Variants in ABCA13 observed in about 807,000 individuals in gnomAD.
The protein encoded by ABCA13 is ATP binding cassette subfamily A member 13.
ABCA13 carries 476 observed loss-of-function variants against 478.7 expected under a neutral mutation model. That is an observed-to-expected ratio of 0.99 (90% CI 0.92 to 1.07). The LOEUF is 1.07. ABCA13 is among the 50% of genes least tolerant of loss of function. The probability of loss-of-function intolerance (pLI) is 0.00; values close to 1 mark genes in which losing one functional copy is unlikely to be tolerated. For missense variants in ABCA13, 6,060 were observed against 5,910.6 expected, an observed-to-expected ratio of 1.03 and a Z score of -0.83; for synonymous variants, 2,252 against 2,158.9, an observed-to-expected ratio of 1.04 and a Z score of -1.20.
rs897627848 is a variant in ABCA13, at chr7:48,344,285, C to A, written c.10204+5830C>A. The stretch of plus-strand genomic sequence containing the variant: ...CTACACTGCATGGAACAGCCCTCCA[C>A]AGCAAGGAATTATGTGCCCAAAGTG... On this transcript the variant is annotated intron_variant, in intron 29 of 61. Transcript: ENST00000435803. Among the ~76,000 whole-genome samples the A allele has an allele frequency of 3.9e-5, 6 of 152,200 alleles. No individual in the cohort carries two copies. In the East Asian group the frequency reaches 1.2e-3, roughly 29 times the overall value.
intron 41 of ABCA13, among the ~76,000 whole-genome samples, chr7:48,413,780 A>G (rs1008062174): frequency 2.6e-5 from 4 of 152,240 alleles, no homozygotes; most frequent in Non-Finnish European, 5.9e-5. Flanking sequence ...ATTGTGAAAC[A>G]TAAAAAATAT....
At chr7:48,419,779 A>G (rs1320258723) in intron 41 of ABCA13, among the ~76,000 whole-genome samples, 2 of 152,192 alleles carry the variant, frequency 1.3e-5, no homozygotes, top group Non-Finnish European at 2.9e-5. Flanking sequence ...GATTTTACGT[A>G]TCTCTCTTTT....
At chr7:48,232,016 A>C (rs139649561) in intron 7 of ABCA13, among the ~76,000 whole-genome samples, 1 of 152,256 alleles carries the variant, frequency 6.6e-6, no homozygotes, top group African/African-American at 2.4e-5. Flanking sequence ...AATCCCATTC[A>C]GAATTTTGCT....
At position 48,335,638 on chromosome 7, in the gene ABCA13, C is replaced by T. The variant is rs1381173190; in HGVS notation, c.10113+103C>T. 1.4e-5 allele frequency: 11 copies of T among 759,182 alleles called. No individual in the cohort carries two copies. The Admixed American group carries it at 1.5e-4, about 10-fold the overall frequency. 47.0% of individuals were successfully genotyped at this position (759,182 alleles called of 1,614,324 possible). The stretch of plus-strand genomic sequence containing the variant: ...GAAGATTCTACAGAGTCACATCAGG[C>T]ATAGTGGTTCTAGTTGACTCATATA... On this transcript the variant is annotated intron_variant, in intron 28 of 61. Transcript: ENST00000435803.
chr7:48,576,610 C>A (rs1443592256), intron 55 of ABCA13, among the ~76,000 whole-genome samples: 2 of 152,122 alleles, frequency 1.3e-5, no homozygotes, highest in Non-Finnish European at 2.9e-5. Context: ...ATATAGAACT[C>A]TTCCCCTCAA....
intron 55 of ABCA13, among the ~76,000 whole-genome samples, chr7:48,567,290 A>G (rs1251367540): frequency 1.3e-5 from 2 of 152,174 alleles, no homozygotes; most frequent in African/African-American, 2.4e-5. Flanking sequence ...AAGTAGAAAG[A>G]TACTGAGTAG....
chr7:48,510,621 C>A (rs1376339439), intron 50 of ABCA13, among the ~76,000 whole-genome samples: 1 of 152,176 alleles, frequency 6.6e-6, no homozygotes, highest in Non-Finnish European at 1.5e-5. Context: ...AAACTTGATT[C>A]TCTCATTGTC....
intron 58 of ABCA13, among the ~76,000 whole-genome samples, chr7:48,613,587 A>G (rs1046241670): frequency 7.0e-6 from 1 of 143,028 alleles, no homozygotes; most frequent in African/African-American, 2.5e-5. Flanking sequence ...ATATCTTCCC[A>G]TATTCAAATC....
chr7:48,200,984 TAGAAAG>T (rs1345392769), intron 3 of ABCA13, among the ~76,000 whole-genome samples: 1 of 138,680 alleles, frequency 7.2e-6, no homozygotes, highest in Non-Finnish European at 1.6e-5. Flanking sequence ...ACAAAGGAAA[TAGAAAG>T]AGAATAAGAG....
At chr7:48,611,179 A>G (rs900456233) in intron 58 of ABCA13, among the ~76,000 whole-genome samples, 1 of 152,176 alleles carries the variant, frequency 6.6e-6, no homozygotes. Context: ...AAACTGAACT[A>G]TGCTCCAGTT....
At chr7:48,186,011 T>C (rs540081275) in intron 1 of ABCA13, among the ~76,000 whole-genome samples, 9 of 152,010 alleles carry the variant, frequency 5.9e-5, no homozygotes, top group Non-Finnish European at 1.3e-4. Flanking sequence ...GTCTTCTTTG[T>C]TTGATATTAA....
rs139717168 is a variant in ABCA13, at chr7:48,197,208, G to A, written c.164-1029G>A. Among the ~76,000 whole-genome samples, 318 of 152,324 alleles carry A rather than the reference G, an allele frequency of 2.1e-3. 1 individual carries two copies. Among genetic ancestry groups the A allele is most frequent in the African/African-American group, 7.4e-3 (307 of 41,578 alleles). On this transcript the variant is annotated intron_variant, in intron 2 of 61. Transcript: ENST00000435803. ...CTGCTTCCTCGAGCTACATATGAAT[G>A]TGAAAACCGCTGTCAGGGCAGCGCT...
intron 41 of ABCA13, among the ~76,000 whole-genome samples, chr7:48,423,185 T>C (rs1482358083): frequency 1.3e-5 from 2 of 152,230 alleles, no homozygotes; most frequent in Admixed American, 6.5e-5. Context: ...TAGAGAGCAG[T>C]TGCTAGTACC....
At chr7:48,281,552 G>T (rs1797040211) in intron 19 of ABCA13, 100 bp downstream of exon 19, 14 of 1,068,942 alleles carry the variant, frequency 1.3e-5, no homozygotes, top group Non-Finnish European at 1.8e-5. Flanking sequence ...GTTTCTTTTA[G>T]AACAAAGCAC....
chr7:48,368,776 TACACAC>T (rs4024053), intron 32 of ABCA13, among the ~76,000 whole-genome samples: 6 of 143,508 alleles, frequency 4.2e-5, no homozygotes, highest in East Asian at 2.0e-4. Context: ...CATATACATA[TACACAC>T]ACACACACAC....
intron 41 of ABCA13, among the ~76,000 whole-genome samples, chr7:48,415,487 G>A (rs17662118): frequency 0.17 from 25,625 of 151,986 alleles, 2,472 homozygotes; most frequent in East Asian, 0.25. Context: ...AGGGCAGGGA[G>A]GAAGATGCTG....
At chr7:48,397,317 A>G (rs1431746416) in intron 38 of ABCA13, among the ~76,000 whole-genome samples, 2 of 152,146 alleles carry the variant, frequency 1.3e-5, no homozygotes, top group Non-Finnish European at 1.5e-5. Context: ...AAATGCATCA[A>G]TCCTCAGTTT....
At chr7:48,335,138 A>G (rs1584902116) in intron 27 of ABCA13, among the ~76,000 whole-genome samples, 1 of 152,218 alleles carries the variant, frequency 6.6e-6, no homozygotes, top group East Asian at 1.9e-4. Flanking sequence ...TTTGGTCAGT[A>G]TATACTGGGG....
At position 48,274,845 on chromosome 7, in the gene ABCA13, C is replaced by T. The variant is rs370565202; in HGVS notation, c.5179C>T (p.His1727Tyr). The change falls in exon 17 of 62, where the codon CAT (histidine) becomes TAT (tyrosine). Residue 1727 changes from histidine (H) to tyrosine (Y), a missense_variant. Transcript: ENST00000435803. Reference sequence around the variant, plus strand: ...CAGCTCACATTCTTGGAATGTTAATCATCTGCTGCAGCTCTCACGCCTGTT... The same window carrying T: ...CAGCTCACATTCTTGGAATGTTAATTATCTGCTGCAGCTCTCACGCCTGTT... ...ADSSHSWNVN[H>Y]LLQLSRLFPK... is the part of the protein sequence containing the mutation. 1.2e-6 allele frequency: 2 copies of T among 1,613,808 alleles called. No homozygotes were observed. The highest frequency in any genetic ancestry group is 2.7e-5 in the African/African-American group (2 of 74,898).
Sources: gnomAD v4.1 joint callset for allele counts (sites outside exome capture counted in the v4.1 genomes callset) on GRCh38, gnomAD v4.1.1 for gene constraint, MANE v1.5 for transcripts, NCBI Gene and HGNC (gene_info 2026-07-23, HGNC 2026-07-21) for gene names.